Variants in SPOUT1 observed in about 807,000 individuals in gnomAD.
SPOUT1 encodes the protein 28S rRNA (uridine-N(3))-methyltransferase.
Under a neutral mutation model 54.8 loss-of-function variants are expected in SPOUT1, and 40 were observed. The ratio of observed to expected loss-of-function variants is 0.73; its 90% CI spans 0.57 to 0.95. SPOUT1 has a LOEUF of 0.95. Ranked by LOEUF, SPOUT1 falls within the 40% of genes least tolerant of loss-of-function variation. The pLI is 0.00. For synonymous variants in SPOUT1, 193 were observed against 200.3 expected (o/e 0.96, Z 0.31); for missense variants, 437 against 499.5 (o/e 0.87, Z 1.19).
At position 128,821,637 on chromosome 9, in the gene SPOUT1, G is replaced by A. The variant is rs1589590138; in HGVS notation, c.*1128C>T. 6.4e-6 allele frequency: 1 copy of A among 155,404 alleles called. No individual in the cohort carries two copies. Among genetic ancestry groups the A allele is most frequent in the Non-Finnish European group, 1.4e-5 (1 of 70,428 alleles). 9.6% of individuals were successfully genotyped at this position (155,404 alleles called of 1,614,324 possible). A position where few individuals can be genotyped will look rare whatever the true frequency, so the allele number is the denominator to read the frequency against. ...GGTTTTTCTGGCCTGCAGAGGGCTG[G>A]GGCTGAGAGGCAACAGGTCCAGGCT... On this transcript the variant is annotated 3_prime_UTR_variant, in exon 12 of 12. Coordinates refer to ENST00000361256, the MANE Select transcript of SPOUT1 (RefSeq NM_016390.4).
At chr9:128,825,901 C>CA in intron 7 of SPOUT1, 121 bp downstream of exon 7, 1 of 1,317,096 alleles carries the variant, frequency 7.6e-7, no homozygotes, top group Non-Finnish European at 1.1e-6. Flanking sequence ...TTCTCTGGCC[C>CA]AAATTTGCAT....
rs116026263 is a variant in SPOUT1 at position 128,822,373 on chromosome 9, C to A, written c.*392G>T. ...CCTACGTAAAGTACCAGGTCATCGG[C>A]AAGAACCACGTGGCAGTGCCCACAC... On this transcript the variant is annotated 3_prime_UTR_variant, in exon 12 of 12. Coordinates refer to ENST00000361256, the MANE Select transcript of SPOUT1 (RefSeq NM_016390.4). 2.2e-5 allele frequency: 36 copies of A among 1,613,914 alleles called. No individual in the cohort carries two copies. The highest frequency in any genetic ancestry group is 5.0e-5 in the Admixed American group (3 of 59,986).
chr9:128,823,201 G>A (rs190887939), intron 11 of SPOUT1, among the ~76,000 whole-genome samples: 6 of 152,310 alleles, frequency 3.9e-5, no homozygotes, highest in Admixed American at 2.0e-4. Context: ...TGCTCGGCTT[G>A]GGCAAGGCCT....
chr9:128,820,772 C>G lies in SPOUT1; in HGVS notation c.*1993G>C. The G allele has an allele frequency of 6.2e-7, 1 of 1,612,316 alleles. No homozygotes were observed. Among genetic ancestry groups the G allele is most frequent in the Non-Finnish European group, 8.5e-7 (1 of 1,179,216 alleles). On this transcript the variant is annotated 3_prime_UTR_variant, in exon 12 of 12. Transcript: ENST00000361256. Reference sequence around the variant, plus strand: ...CCTCAACCAGAATGCCTGGAACAACCTGGAGAAATATAGCCGCAGCTTGAC... The same window carrying G: ...CCTCAACCAGAATGCCTGGAACAACGTGGAGAAATATAGCCGCAGCTTGAC...
In SPOUT1 at chr9:128,821,118, T is replaced by A; in HGVS notation, c.*1647A>T. The A allele has an allele frequency of 2.0e-6, 1 of 500,334 alleles. No homozygotes were observed. The highest frequency in any genetic ancestry group is 3.6e-6 in the Non-Finnish European group (1 of 275,522). 31.0% of individuals were successfully genotyped at this position (500,334 alleles called of 1,614,324 possible). On this transcript the variant is annotated 3_prime_UTR_variant, in exon 12 of 12. Coordinates refer to ENST00000361256, the MANE Select transcript of SPOUT1 (RefSeq NM_016390.4). ...CCCGCTTCTCCCTGCTGTCACCTCT[T>A]GGCATGCCCACCCAATCTTGTTCTG...
chr9:128,825,105 C>A, intron 7 of SPOUT1, 56 bp from the exon 8 acceptor site: 1 of 1,361,902 alleles, frequency 7.3e-7, no homozygotes, highest in Non-Finnish European at 1.0e-6. Context: ...GCAGGGGCCA[C>A]GGCTCTTCCA....
At position 128,827,012 on chromosome 9, in the gene SPOUT1, C is replaced by T. The variant is rs537357735; in HGVS notation, c.368+20G>A. 37 of 1,610,902 alleles carry T rather than the reference C, an allele frequency of 2.3e-5. No homozygotes were observed. In the South Asian group the frequency reaches 3.7e-4, roughly 16 times the overall value. On this transcript the variant is annotated intron_variant, in intron 4 of 11. Transcript: ENST00000361256. ...CCTCCCTCTCCCTGAACCCTGGCAC[C>T]CTGTGGGATGGCCCCTTACTTGGCA...
At position 128,822,437 on chromosome 9, in the gene SPOUT1, C is replaced by A. The variant is rs2132585057; in HGVS notation, c.*328G>T. The A allele has an allele frequency of 1.9e-6, 3 of 1,597,928 alleles. No individual in the cohort carries two copies. In the South Asian group the frequency reaches 3.4e-5, roughly 18 times the overall value. On this transcript the variant is annotated 3_prime_UTR_variant, in exon 12 of 12. Coordinates refer to ENST00000361256, the MANE Select transcript of SPOUT1 (RefSeq NM_016390.4). Reference sequence around the variant, plus strand: ...GCTGATCCTGGAGGCAGCAGGTGGGCAAATTGAGCTCCGCACCTACGTGAT... The same window carrying A: ...GCTGATCCTGGAGGCAGCAGGTGGGAAAATTGAGCTCCGCACCTACGTGAT...
chr9:128,821,161 G>A lies in SPOUT1; in HGVS notation c.*1604C>T, dbSNP rs753148984. ...TTGTTCTGCCAATATGGAACCCCCCGCAGGTCTGCAGTGCACCAAGCTCTC... is the reference window on the plus strand; with the variant it reads ...TTGTTCTGCCAATATGGAACCCCCCACAGGTCTGCAGTGCACCAAGCTCTC... On this transcript the variant is annotated 3_prime_UTR_variant, in exon 12 of 12. Coordinates refer to ENST00000361256, the MANE Select transcript of SPOUT1 (RefSeq NM_016390.4). 8 of 392,116 alleles carry A rather than the reference G, an allele frequency of 2.0e-5. No individual in the cohort carries two copies. The highest frequency in any genetic ancestry group is 1.2e-4 in the African/African-American group (6 of 48,886). The allele number at this position is 392,116 out of a possible 1,614,324, so 24.3% of individuals were successfully genotyped here.
Position 128,829,220 on chromosome 9 carries a change from T to C in SPOUT1, c.37-65A>G, listed in dbSNP as rs564457692. ...GATGGTCACACCTGGAGGGGGTCCG[T>C]TTGCTGCACCATAGCCAGCCCCTCC... is the stretch of plus-strand genomic sequence containing the variant. On this transcript the variant is annotated intron_variant, in intron 1 of 11. Coordinates refer to ENST00000361256, the MANE Select transcript of SPOUT1 (RefSeq NM_016390.4). 8.0e-6 allele frequency: 11 copies of C among 1,367,182 alleles called. No homozygotes were observed. The South Asian group carries it at 1.3e-4, about 16-fold the overall frequency. 84.7% of individuals were successfully genotyped at this position (1,367,182 alleles called of 1,614,324 possible). A position where few individuals can be genotyped will look rare whatever the true frequency, so the allele number is the denominator to read the frequency against.
chr9:128,825,271 G>A (rs558690608), intron 7 of SPOUT1, among the ~76,000 whole-genome samples: 33 of 152,326 alleles, frequency 2.2e-4, no homozygotes, highest in Non-Finnish European at 4.3e-4. Context: ...GGCGCTCATG[G>A]CACAGGATAG....
In SPOUT1 at chr9:128,826,701, C is replaced by G; in HGVS notation, c.369-72G>C. ...AAGAGCTCCTGTCTACAAGTGCACGCGTATAATCCCAGCTACTCAGGAGGC... is the reference window on the plus strand; with the variant it reads ...AAGAGCTCCTGTCTACAAGTGCACGGGTATAATCCCAGCTACTCAGGAGGC... On this transcript the variant is annotated intron_variant, in intron 4 of 11. Transcript: ENST00000361256. The surrounding 1 kb of genome is among the most constrained non-coding windows in gnomAD (Gnocchi z 5.5). The G allele has an allele frequency of 9.1e-7, 1 of 1,092,898 alleles. No homozygotes were observed. The allele number at this position is 1,092,898 out of a possible 1,614,324, so 67.7% of individuals were successfully genotyped here.
intron 2 of SPOUT1, 47 bp downstream of exon 2, chr9:128,829,063 C>T: frequency 6.4e-7 from 1 of 1,564,422 alleles, no homozygotes; most frequent in Non-Finnish European, 8.8e-7. Context: ...TGACTGAGCA[C>T]TGGTGGAGTG....
At chr9:128,825,193 C>G (rs554306567) in intron 7 of SPOUT1, 144 bp from the exon 8 acceptor site, 1 of 637,402 alleles carries the variant, frequency 1.6e-6, no homozygotes, top group Non-Finnish European at 2.8e-6. Flanking sequence ...CCCCTGGCAC[C>G]GGCTGAACCT....
chr9:128,821,839 A>G lies in SPOUT1; in HGVS notation c.*926T>C, dbSNP rs1407802148. 1 of 176,418 alleles carries G rather than the reference A, an allele frequency of 5.7e-6. No homozygotes were observed. Among genetic ancestry groups the G allele is most frequent in the Non-Finnish European group, 1.2e-5 (1 of 81,938 alleles). 10.9% of individuals were successfully genotyped at this position (176,418 alleles called of 1,614,324 possible). ...GGTAAGGGCTCGGCATAGGCTGGCC[A>G]AGGCGGTGGTTGGGGCACTGATCAA... On this transcript the variant is annotated 3_prime_UTR_variant, in exon 12 of 12. Transcript: ENST00000361256.
rs1830150428 is a variant in SPOUT1, at chr9:128,822,711, CAG to C, written c.*52_*53del. ...GGTGGCGTCCGTCCCAAGTGACCTG[CAG>C]AGCCCCTGGTTTCACTGCTGCTTCA... On this transcript the variant is annotated 3_prime_UTR_variant, in exon 12 of 12. Coordinates refer to ENST00000361256, the MANE Select transcript of SPOUT1 (RefSeq NM_016390.4). 1 of 1,554,968 alleles carries C rather than the reference CAG, an allele frequency of 6.4e-7. No individual in the cohort carries two copies. Among genetic ancestry groups the C allele is most frequent in the Non-Finnish European group, 8.7e-7 (1 of 1,148,596 alleles).
Position 128,826,373 on chromosome 9 carries a change from T to C in SPOUT1, c.508+11A>G, listed in dbSNP as rs2997914. On this transcript the variant is annotated intron_variant, in intron 6 of 11. Transcript: ENST00000361256. The surrounding 1 kb of genome is among the most constrained non-coding windows in gnomAD (Gnocchi z 5.5). ...CAGGGGAAATGGGGGGGCGGGCCCA[T>C]ACAGCGTTACCTGCAAACTGTAGAT... The C allele has an allele frequency of 1, 1,606,923 of 1,613,876 alleles. 800,246 individuals carry two copies. Among genetic ancestry groups the C allele is most frequent in the East Asian group, 1 (44,866 of 44,866 alleles).
chr9:128,824,748 A>C, intron 9 of SPOUT1, 23 bp downstream of exon 9: 22 of 1,565,858 alleles, frequency 1.4e-5, no homozygotes, highest in Non-Finnish European at 1.9e-5. Flanking sequence ...ATGGATATTC[A>C]GAGAAGTAAG....
At position 128,826,366 on chromosome 9, in the gene SPOUT1, G is replaced by C; in HGVS notation, c.508+18C>G. 6.2e-7 allele frequency: 1 copy of C among 1,612,610 alleles called. No homozygotes were observed. The highest frequency in any genetic ancestry group is 8.5e-7 in the Non-Finnish European group (1 of 1,178,704). ...CATGATCCAGGGGAAATGGGGGGGCGGGCCCATACAGCGTTACCTGCAAAC... is the reference window on the plus strand; with the variant it reads ...CATGATCCAGGGGAAATGGGGGGGCCGGCCCATACAGCGTTACCTGCAAAC... On this transcript the variant is annotated intron_variant, in intron 6 of 11. Transcript: ENST00000361256. The surrounding 1 kb of genome is among the most constrained non-coding windows in gnomAD (Gnocchi z 5.5).
Sources: allele counts gnomAD v4.1 joint callset (sites outside exome capture counted in the v4.1 genomes callset), GRCh38; gene constraint gnomAD v4.1.1; non-coding constraint Gnocchi (gnomAD v3.1); transcripts MANE v1.5; gene names NCBI Gene and HGNC (gene_info 2026-07-23, HGNC 2026-07-21).